The following PTPRM variants were observed in gnomAD, a reference collection of about 807,000 sequenced individuals.
The protein encoded by PTPRM is protein tyrosine phosphatase receptor type M, also known as receptor-type tyrosine-protein phosphatase mu.
PTPRM carries 47 observed loss-of-function variants against 186.7 expected under a neutral mutation model. The observed-to-expected ratio is 0.25, with a 90% CI of 0.20 to 0.32. The LOEUF is 0.32. Among genes scored for constraint, PTPRM ranks in the 10% least tolerant of loss-of-function variants. The pLI, the probability that PTPRM is intolerant of heterozygous loss-of-function variation, is 1.00. For synonymous variants in PTPRM, 668 were observed against 674.9 expected (o/e 0.99, Z 0.16); for missense variants, 1,494 against 1,865.0 (o/e 0.80, Z 3.66).
intron 14 of PTPRM, among the ~76,000 whole-genome samples, chr18:8,150,584 G>T (rs900464899): frequency 2.0e-4 from 30 of 152,028 alleles, no homozygotes; most frequent in African/African-American, 7.2e-4. Flanking sequence ...CTTGCATTGG[G>T]TTAGAACATG....
chr18:8,199,443 CTG>C (rs1325357815), intron 14 of PTPRM, among the ~76,000 whole-genome samples: 4 of 152,166 alleles, frequency 2.6e-5, no homozygotes, highest in Non-Finnish European at 5.9e-5. Flanking sequence ...GGATAGTGCG[CTG>C]TGTCTGCCGG....
chr18:7,779,000 T>C (rs915962647), intron 2 of PTPRM, among the ~76,000 whole-genome samples: 2 of 152,218 alleles, frequency 1.3e-5, no homozygotes, highest in Non-Finnish European at 2.9e-5. Flanking sequence ...TGTGTACTTG[T>C]ACCTCAGTGT....
intron 14 of PTPRM, among the ~76,000 whole-genome samples, chr18:8,164,021 C>T (rs377110230): frequency 6.6e-5 from 10 of 152,272 alleles, no homozygotes; most frequent in African/African-American, 2.4e-4. Flanking sequence ...GTGCAAGTAA[C>T]AATCTAGTTA....
intron 22 of PTPRM, among the ~76,000 whole-genome samples, chr18:8,341,324 C>T (rs765805842): frequency 6.6e-6 from 1 of 152,182 alleles, no homozygotes; most frequent in Non-Finnish European, 1.5e-5. Context: ...ACCATCCATT[C>T]ATTGATTCAC....
intron 14 of PTPRM, among the ~76,000 whole-genome samples, chr18:8,178,076 G>A (rs1333775951): frequency 6.6e-6 from 1 of 152,192 alleles, no homozygotes. Flanking sequence ...CCACTCCTGA[G>A]ATCTTATTGG....
intron 11 of PTPRM, among the ~76,000 whole-genome samples, chr18:8,105,127 A>G (rs2091458838): frequency 6.6e-6 from 1 of 152,196 alleles, no homozygotes. Flanking sequence ...ATTGAGGTAC[A>G]CATAGGATCA....
chr18:8,045,491 G>A (rs2086984392), intron 7 of PTPRM, among the ~76,000 whole-genome samples: 2 of 152,192 alleles, frequency 1.3e-5, no homozygotes, highest in Non-Finnish European at 2.9e-5. Context: ...GCAATAAAGA[G>A]GAGTGAAGTC....
chr18:7,979,476 G>A (rs2082428951), intron 7 of PTPRM, among the ~76,000 whole-genome samples: 4 of 152,128 alleles, frequency 2.6e-5, no homozygotes, highest in Admixed American at 2.6e-4. Context: ...AATCTAAGGT[G>A]TTTTATTTGA....
At chr18:7,768,776 A>G (rs1477840917) in intron 1 of PTPRM, among the ~76,000 whole-genome samples, 1 of 151,626 alleles carries the variant, frequency 6.6e-6, no homozygotes, top group Non-Finnish European at 1.5e-5. Flanking sequence ...CCTCCCGAGT[A>G]GCTGGGATTA....
At chr18:8,229,431 T>C (rs550963939) in intron 14 of PTPRM, among the ~76,000 whole-genome samples, 10 of 152,332 alleles carry the variant, frequency 6.6e-5, no homozygotes, top group Middle Eastern at 6.8e-3. Context: ...TAGAAAACTT[T>C]AGGTACTCGT....
chr18:8,209,623 C>T (rs115539897), intron 14 of PTPRM, among the ~76,000 whole-genome samples: 2 of 151,994 alleles, frequency 1.3e-5, no homozygotes, highest in African/African-American at 2.4e-5. Context: ...CCAGTACCTC[C>T]GAAGGTGACC....
At chr18:7,735,809 G>A (rs534771753) in intron 1 of PTPRM, among the ~76,000 whole-genome samples, 6 of 151,526 alleles carry the variant, frequency 4.0e-5, no homozygotes, top group Admixed American at 1.3e-4. Flanking sequence ...CAAGAACTTT[G>A]GCTTCCACAA....
At chr18:8,179,623 C>T (rs2093544311) in intron 14 of PTPRM, among the ~76,000 whole-genome samples, 3 of 152,070 alleles carry the variant, frequency 2.0e-5, no homozygotes, top group Admixed American at 6.6e-5. Context: ...GCATGAGCCA[C>T]CACACCCAGC....
At chr18:8,323,378 T>C (rs917196713) in intron 22 of PTPRM, among the ~76,000 whole-genome samples, 1 of 152,128 alleles carries the variant, frequency 6.6e-6, no homozygotes, top group Non-Finnish European at 1.5e-5. Flanking sequence ...AACCATATGG[T>C]TAATCCAGAT....
intron 20 of PTPRM, among the ~76,000 whole-genome samples, chr18:8,303,805 G>C (rs2095188543): frequency 6.6e-6 from 1 of 152,078 alleles, no homozygotes; most frequent in Non-Finnish European, 1.5e-5. Flanking sequence ...CTGGGAACCG[G>C]GTGGAAACAA....
chr18:7,846,281 A>G (rs939546507), intron 2 of PTPRM, among the ~76,000 whole-genome samples: 1 of 152,204 alleles, frequency 6.6e-6, no homozygotes, highest in Non-Finnish European at 1.5e-5. Context: ...CCCCCATTAC[A>G]TACAGCAGTG....
intron 2 of PTPRM, among the ~76,000 whole-genome samples, chr18:7,840,978 G>C (rs1306998607): frequency 6.6e-6 from 1 of 152,148 alleles, no homozygotes; most frequent in Non-Finnish European, 1.5e-5. Flanking sequence ...AATTTGTAAA[G>C]TACTACAATA....
chr18:8,174,440 C>T (rs771546081), intron 14 of PTPRM, among the ~76,000 whole-genome samples: 1 of 152,046 alleles, frequency 6.6e-6, no homozygotes, highest in Non-Finnish European at 1.5e-5. Context: ...CAGTTTAAAA[C>T]CAAAAGATCA....
chr18:7,646,695 C>A (rs1349161560), intron 1 of PTPRM, among the ~76,000 whole-genome samples: 1 of 152,156 alleles, frequency 6.6e-6, no homozygotes, highest in East Asian at 1.9e-4. Flanking sequence ...TAAGGCCTAG[C>A]ACCTGTCTTA....
Sources: gnomAD v4.1 joint callset for allele counts (sites outside exome capture counted in the v4.1 genomes callset) on GRCh38, gnomAD v4.1.1 for gene constraint, MANE v1.5 for transcripts, NCBI Gene and HGNC (gene_info 2026-07-23, HGNC 2026-07-21) for gene names.